Variants in PIGU observed in about 807,000 individuals in gnomAD.
PIGU encodes phosphatidylinositol glycan anchor biosynthesis class U.
Under a neutral mutation model 49.9 loss-of-function variants are expected in PIGU, and 24 were observed. That is an observed-to-expected ratio of 0.48 (90% CI 0.35 to 0.68). PIGU has a LOEUF of 0.68. Ranked by LOEUF, PIGU falls within the 30% of genes least tolerant of loss-of-function variation. PIGU has a pLI of 0.01. For missense variants in PIGU, 490 were observed against 532.6 expected, an observed-to-expected ratio of 0.92 and a Z score of 0.79; for synonymous variants, 220 against 205.7, an observed-to-expected ratio of 1.07 and a Z score of -0.59.
At position 34,577,433 on chromosome 20, in the gene PIGU, C is replaced by T. The variant is rs145128479; in HGVS notation, c.1052-2187G>A. Reference sequence around the variant, plus strand: ...CAACTCCCGCTACAAAACAAAATCACGGCCGGGTATGGTGGCTCACGCCTG... The same window carrying T: ...CAACTCCCGCTACAAAACAAAATCATGGCCGGGTATGGTGGCTCACGCCTG... On this transcript the variant is annotated intron_variant, in intron 10 of 11. Coordinates refer to ENST00000217446, the MANE Select transcript of PIGU (RefSeq NM_080476.5). 3.3e-3 allele frequency among the ~76,000 whole-genome samples: 499 copies of T among 152,214 alleles called. 1 individual carries two copies. Among genetic ancestry groups the T allele is most frequent in the African/African-American group, 0.011 (472 of 41,550 alleles).
At chr20:34,647,080 G>A (rs1418864595) in intron 2 of PIGU, among the ~76,000 whole-genome samples, 3 of 152,050 alleles carry the variant, frequency 2.0e-5, no homozygotes, top group Admixed American at 6.6e-5. Flanking sequence ...TCAGCTCATC[G>A]CAACCTCCGC....
intron 6 of PIGU, among the ~76,000 whole-genome samples, chr20:34,628,467 TA>T (rs1397734183): frequency 6.6e-6 from 1 of 152,108 alleles, no homozygotes; most frequent in Non-Finnish European, 1.5e-5. Flanking sequence ...TTTAAACAGC[TA>T]AAAACTGGAA....
chr20:34,596,891 C>T (rs896406393), intron 7 of PIGU, among the ~76,000 whole-genome samples: 2 of 152,060 alleles, frequency 1.3e-5, no homozygotes, highest in African/African-American at 2.4e-5. Flanking sequence ...TAGTCAAATA[C>T]AAGTTTGAAT....
intron 2 of PIGU, among the ~76,000 whole-genome samples, chr20:34,653,919 A>C (rs994867909): frequency 4.6e-5 from 7 of 151,416 alleles, no homozygotes; most frequent in Non-Finnish European, 1.0e-4. Context: ...GTGCAGTGGC[A>C]CCATCTCGGC....
chr20:34,571,335 A>G (rs1983005183), intron 11 of PIGU, among the ~76,000 whole-genome samples: 1 of 152,198 alleles, frequency 6.6e-6, no homozygotes, highest in Non-Finnish European at 1.5e-5. Context: ...ACCTGCCGGT[A>G]TAACTAATAA....
At chr20:34,637,844 G>A (rs1285781973) in intron 5 of PIGU, 32 bp downstream of exon 5, 1 of 1,599,634 alleles carries the variant, frequency 6.3e-7, no homozygotes. Context: ...GCATTTGTTG[G>A]CACTAAGCCT....
chr20:34,633,023 A>C (rs1010308533), intron 6 of PIGU, among the ~76,000 whole-genome samples: 2 of 152,214 alleles, frequency 1.3e-5, no homozygotes, highest in African/African-American at 4.8e-5. Context: ...CAAAAAACCA[A>C]ACAAGCAATA....
chr20:34,604,097 G>A (rs1167756486), intron 7 of PIGU, among the ~76,000 whole-genome samples: 1 of 152,186 alleles, frequency 6.6e-6, no homozygotes, highest in Non-Finnish European at 1.5e-5. Context: ...AGGGTCAAAT[G>A]AACCACATCT....
chr20:34,586,297 G>A (rs1983697094), intron 8 of PIGU, among the ~76,000 whole-genome samples: 1 of 150,696 alleles, frequency 6.6e-6, no homozygotes, highest in South Asian at 2.1e-4. Context: ...GGAGAGATGA[G>A]TGATGGCTCT....
intron 2 of PIGU, among the ~76,000 whole-genome samples, chr20:34,656,549 T>C (rs1288293239): frequency 6.6e-6 from 1 of 152,058 alleles, no homozygotes; most frequent in Non-Finnish European, 1.5e-5. Context: ...CCCAAAGTGC[T>C]GGGATTACAG....
At chr20:34,571,171 C>T (rs1374893415) in intron 11 of PIGU, among the ~76,000 whole-genome samples, 1 of 152,200 alleles carries the variant, frequency 6.6e-6, no homozygotes, top group Non-Finnish European at 1.5e-5. Context: ...CCTTCGTTCT[C>T]TCACACTCAG....
intron 6 of PIGU, among the ~76,000 whole-genome samples, chr20:34,626,544 C>T (rs1237523567): frequency 6.6e-6 from 1 of 152,102 alleles, no homozygotes; most frequent in African/African-American, 2.4e-5. Context: ...CTCGGGTGAT[C>T]CACCTGCCTC....
At chr20:34,627,427 C>T (rs148646179) in intron 6 of PIGU, among the ~76,000 whole-genome samples, 264 of 151,028 alleles carry the variant, frequency 1.7e-3, no homozygotes, top group African/African-American at 6.0e-3. Context: ...ATTCATTAAA[C>T]AAAAGTCTGG....
chr20:34,625,368 CAA>C (rs745930230), intron 6 of PIGU, among the ~76,000 whole-genome samples: 1 of 80,542 alleles, frequency 1.2e-5, no homozygotes. Context: ...AACTCCATCT[CAA>C]AAAAAAAAAA....
chr20:34,616,363 T>G (rs1291622792), intron 6 of PIGU, among the ~76,000 whole-genome samples: 1 of 152,196 alleles, frequency 6.6e-6, no homozygotes, highest in Non-Finnish European at 1.5e-5. Flanking sequence ...TTTGGCAACC[T>G]GAGACACTAC....
At chr20:34,628,462 A>C (rs1985579279) in intron 6 of PIGU, among the ~76,000 whole-genome samples, 1 of 152,216 alleles carries the variant, frequency 6.6e-6, no homozygotes, top group African/African-American at 2.4e-5. Flanking sequence ...TAATATTTAA[A>C]CAGCTAAAAA....
chr20:34,586,358 TG>T (rs1983699763), intron 8 of PIGU, among the ~76,000 whole-genome samples: 1 of 151,992 alleles, frequency 6.6e-6, no homozygotes. Flanking sequence ...TTTTGCCTCT[TG>T]CTGTAACTAT....
At chr20:34,588,216 C>T (rs573332188) in intron 8 of PIGU, among the ~76,000 whole-genome samples, 9 of 151,896 alleles carry the variant, frequency 5.9e-5, no homozygotes, top group African/African-American at 2.2e-4. Context: ...GGCCCCACTG[C>T]ACTCCAGACT....
At chr20:34,617,661 G>C (rs909507100) in intron 6 of PIGU, among the ~76,000 whole-genome samples, 24 of 152,192 alleles carry the variant, frequency 1.6e-4, no homozygotes, top group African/African-American at 5.8e-4. Flanking sequence ...GTGCACTTTT[G>C]GGTTAATGCT....
Sources: gnomAD v4.1 joint callset for allele counts (sites outside exome capture counted in the v4.1 genomes callset) on GRCh38, gnomAD v4.1.1 for gene constraint, MANE v1.5 for transcripts, NCBI Gene and HGNC (gene_info 2026-07-23, HGNC 2026-07-21) for gene names.